HIPK1: variants seen among roughly 807,000 people sequenced by gnomAD.
HIPK1 encodes homeodomain-interacting protein kinase 1.
In HIPK1, 28 loss-of-function variants were observed where a neutral mutation model predicts 117.1. The observed-to-expected ratio is 0.24, with a 90% CI of 0.18 to 0.33. The LOEUF (loss-of-function observed/expected upper bound fraction) is 0.33, where lower values mean the gene tolerates loss of function less well. Ranked by LOEUF, HIPK1 falls within the 10% of genes least tolerant of loss-of-function variation. The pLI, the probability that HIPK1 is intolerant of heterozygous loss-of-function variation, is 1.00. For missense variants in HIPK1, 1,122 were observed against 1,475.1 expected (o/e 0.76, Z 3.92); for synonymous variants, 605 against 562.5 (o/e 1.08, Z -1.07).
At chr1:113,951,309 A>G (rs1398718526) in intron 2 of HIPK1, 33 of 974,666 alleles carry the variant, frequency 3.4e-5, no homozygotes, top group Non-Finnish European at 3.8e-5. Flanking sequence ...ACTTTTACTT[A>G]TTGAGAAACA....
chr1:113,957,235 C>T lies in HIPK1; in HGVS notation c.1704C>T (p.Ser568=), dbSNP rs1386256463. ...PFTTHVAPNT[S]TNLTMSFSNQ... ...CTACACATGTTGCCCCAAATACAAG[C>T]ACAAATCTAACCATGAGCTTCAGCA... Residue 568 remains serine, a synonymous_variant, in exon 7 of 16, where the codon AGC becomes AGT. Coordinates refer to ENST00000426820, the MANE Select transcript of HIPK1 (RefSeq NM_198268.3). 1.9e-6 allele frequency: 3 copies of T among 1,613,772 alleles called. No individual in the cohort carries two copies. Among genetic ancestry groups the T allele is most frequent in the Non-Finnish European group, 2.5e-6 (3 of 1,179,710 alleles).
intron 14 of HIPK1, 146 bp from the exon 15 acceptor site, chr1:113,971,678 A>T (rs1225646482): frequency 1.6e-6 from 1 of 616,348 alleles, no homozygotes; most frequent in African/African-American, 2.0e-5. Context: ...GAAATGGGTG[A>T]TAACAGGTTA....
chr1:113,934,555 A>G (rs1670125774), intron 1 of HIPK1, among the ~76,000 whole-genome samples: 1 of 152,192 alleles, frequency 6.6e-6, no homozygotes, highest in Non-Finnish European at 1.5e-5. Flanking sequence ...ATTTGTCATT[A>G]TATTGAGATG....
At chr1:113,931,818 A>G (rs1170800766) in intron 1 of HIPK1, among the ~76,000 whole-genome samples, 2 of 152,184 alleles carry the variant, frequency 1.3e-5, no homozygotes, top group South Asian at 2.1e-4. Context: ...TTAGTTATAT[A>G]TTGTAACTGG....
intron 13 of HIPK1, among the ~76,000 whole-genome samples, chr1:113,969,739 A>T (rs924333646): frequency 1.3e-5 from 2 of 151,984 alleles, no homozygotes; most frequent in African/African-American, 4.8e-5. Context: ...GTGACATCTC[A>T]TCACTACAAA....
rs1369732113 is a variant in HIPK1 at position 113,968,423 on chromosome 1, A to G, written c.2565-19A>G. ...AGGCCAAGGACTGAATCATCTTTCCATGTGAACTTTTCCTACAGGTCCTCT... is the reference window on the plus strand; with the variant it reads ...AGGCCAAGGACTGAATCATCTTTCCGTGTGAACTTTTCCTACAGGTCCTCT... On this transcript the variant is annotated intron_variant, in intron 12 of 15. Coordinates refer to ENST00000426820, the MANE Select transcript of HIPK1 (RefSeq NM_198268.3). 1 of 1,579,772 alleles carries G rather than the reference A, an allele frequency of 6.3e-7. No homozygotes were observed. Among genetic ancestry groups the G allele is most frequent in the Non-Finnish European group, 8.7e-7 (1 of 1,148,692 alleles).
intron 3 of HIPK1, among the ~76,000 whole-genome samples, chr1:113,953,701 T>C (rs1172695366): frequency 6.6e-6 from 1 of 152,116 alleles, no homozygotes; most frequent in African/African-American, 2.4e-5. Flanking sequence ...TATTTTTTAG[T>C]AGAGACGGGG....
Position 113,930,048 on chromosome 1 carries a change from G to C in HIPK1, c.-3+516G>C, listed in dbSNP as rs572058798. On this transcript the variant is annotated intron_variant, in intron 1 of 15. Transcript: ENST00000426820. The stretch of plus-strand genomic sequence containing the variant: ...CTCTCCTGGAGCGCCCAGCCTGCCG[G>C]GGGCGCCTTCCTCAAAGGGCCCCTG... 573 of 983,472 alleles carry C rather than the reference G, an allele frequency of 5.8e-4. 5 individuals are homozygous for C. The African/African-American group carries it at 9.2e-3, about 16-fold the overall frequency. The allele number at this position is 983,472 out of a possible 1,614,324, so 60.9% of individuals were successfully genotyped here. A position where few individuals can be genotyped will look rare whatever the true frequency, so the allele number is the denominator to read the frequency against.
At chr1:113,962,696 A>C (rs747102684) in intron 9 of HIPK1, among the ~76,000 whole-genome samples, 3 of 152,178 alleles carry the variant, frequency 2.0e-5, no homozygotes, top group Non-Finnish European at 4.4e-5. Context: ...AGTTTACTCT[A>C]ATTTTGCGGG....
At chr1:113,932,908 T>C (rs1448545392) in intron 1 of HIPK1, among the ~76,000 whole-genome samples, 1 of 152,242 alleles carries the variant, frequency 6.6e-6, no homozygotes, top group Non-Finnish European at 1.5e-5. Context: ...CAAACTGCTG[T>C]TGCCTTACTT....
chr1:113,959,925 T>C (rs1374900016), intron 8 of HIPK1, among the ~76,000 whole-genome samples: 1 of 152,226 alleles, frequency 6.6e-6, no homozygotes, highest in Non-Finnish European at 1.5e-5. Flanking sequence ...TTATCCCCAA[T>C]TTATAGATGA....
In HIPK1 at chr1:113,973,509, A is replaced by G. The variant is rs200597737; in HGVS notation, c.3630A>G (p.Leu1210=). The part of the protein sequence containing the change: ...SPTKISQYSY[L] Reference sequence around the variant, plus strand: ...CCAAGATCAGCCAGTATTCCTACTTATAGTTGGTGAGCATGAGGGAGGAGG... The same window carrying G: ...CCAAGATCAGCCAGTATTCCTACTTGTAGTTGGTGAGCATGAGGGAGGAGG... Residue 1210 remains leucine, a synonymous_variant, in exon 16 of 16, where the codon TTA becomes TTG. Transcript: ENST00000426820. 35 of 1,575,788 alleles carry G rather than the reference A, an allele frequency of 2.2e-5. No homozygotes were observed. The East Asian group carries it at 7.9e-4, about 35-fold the overall frequency.
At chr1:113,960,690 C>T (rs913032530) in intron 8 of HIPK1, among the ~76,000 whole-genome samples, 5 of 152,090 alleles carry the variant, frequency 3.3e-5, no homozygotes, top group African/African-American at 7.2e-5. Context: ...ACATTGCCTA[C>T]GGAAGCATGG....
intron 8 of HIPK1, among the ~76,000 whole-genome samples, chr1:113,961,361 G>A (rs1230003620): frequency 6.6e-6 from 1 of 152,160 alleles, no homozygotes; most frequent in Admixed American, 6.6e-5. Flanking sequence ...TCTAAAATAA[G>A]TTGAAGCAAG....
chr1:113,936,568 G>T (rs1251150368), intron 1 of HIPK1, among the ~76,000 whole-genome samples: 1 of 151,988 alleles, frequency 6.6e-6, no homozygotes, highest in Non-Finnish European at 1.5e-5. Context: ...GGATTCAAGT[G>T]ATTCTCCTGC....
rs776873633 is a variant in HIPK1, at chr1:113,957,258, G to A, written c.1727G>A (p.Ser576Asn). Residue 576 changes from serine (S) to asparagine (N), a missense_variant, in exon 7 of 16, where the codon AGC becomes AAC. This residue lies in a region of HIPK1 where 731 missense variants were observed against 860.4 expected (regional missense o/e 0.85). Transcript: ENST00000426820. ...NTSTNLTMSFSNQLNTVHNQA... is the reference protein window; with the variant it reads ...NTSTNLTMSFNNQLNTVHNQA... Reference sequence around the variant, plus strand: ...AGCACAAATCTAACCATGAGCTTCAGCAATCAGCTCAATACAGTGCACAAT... The same window carrying A: ...AGCACAAATCTAACCATGAGCTTCAACAATCAGCTCAATACAGTGCACAAT... 1.1e-5 allele frequency: 18 copies of A among 1,613,750 alleles called. No homozygotes were observed. Among genetic ancestry groups the A allele is most frequent in the East Asian group, 4.5e-5 (2 of 44,884 alleles).
At position 113,975,908 on chromosome 1, in the gene HIPK1, T is replaced by C. The variant is rs1269480790; in HGVS notation, c.*2396T>C. The C allele has an allele frequency of 6.5e-6, 1 of 152,710 alleles. No homozygotes were observed. Among genetic ancestry groups the C allele is most frequent in the Non-Finnish European group, 1.5e-5 (1 of 68,052 alleles). The allele number at this position is 152,710 out of a possible 1,614,324, so 9.5% of individuals were successfully genotyped here. ...GGGACATTCCTGCCCATAAAGGATT[T>C]GGGGAAAGAAGATTAATCCTAAAAT... On this transcript the variant is annotated 3_prime_UTR_variant, in exon 16 of 16. Coordinates refer to ENST00000426820, the MANE Select transcript of HIPK1 (RefSeq NM_198268.3).
intron 14 of HIPK1, among the ~76,000 whole-genome samples, chr1:113,970,511 C>T (rs1287335296): frequency 6.6e-6 from 1 of 152,176 alleles, no homozygotes; most frequent in Non-Finnish European, 1.5e-5. Context: ...AGGTTTGCCA[C>T]AGATGATTTG....
Position 113,961,942 on chromosome 1 carries a change from C to CAA in HIPK1, c.1982-349_1982-348dup, listed in dbSNP as rs957986733. Among the ~76,000 whole-genome samples, 137 of 32,258 alleles carry CAA rather than the reference C, an allele frequency of 4.2e-3. 6 individuals are homozygous for CAA. Among genetic ancestry groups the CAA allele is most frequent in the African/African-American group, 9.7e-3 (100 of 10,328 alleles). The allele number at this position is 32,258 out of a possible 152,430, so 21.2% of individuals were successfully genotyped here. On this transcript the variant is annotated intron_variant, in intron 8 of 15. Coordinates refer to ENST00000426820, the MANE Select transcript of HIPK1 (RefSeq NM_198268.3). ...TGGGTGACAGAGCGAGACTCCATCTCAAAAAAAAAAAAAAAAAAAAAAAAA... is the reference window on the plus strand; with the variant it reads ...TGGGTGACAGAGCGAGACTCCATCTCAAAAAAAAAAAAAAAAAAAAAAAAAAA...
Sources: gnomAD v4.1 joint callset for allele counts (sites outside exome capture counted in the v4.1 genomes callset) on GRCh38, gnomAD v4.1.1 for gene constraint, gnomAD v4.1.1 regional missense constraint, MANE v1.5 for transcripts, NCBI Gene and HGNC (gene_info 2026-07-23, HGNC 2026-07-21) for gene names.